The following ANKS1B variants were observed in gnomAD, a reference collection of about 807,000 sequenced individuals.
ANKS1B encodes ankyrin repeat and sterile alpha motif domain containing 1B.
In ANKS1B, 36 loss-of-function variants were observed where a neutral mutation model predicts 148.3. That is an observed-to-expected ratio of 0.24 (90% CI 0.19 to 0.32). The LOEUF is 0.32. ANKS1B is among the 10% of genes least tolerant of loss of function. The pLI, the probability that ANKS1B is intolerant of heterozygous loss-of-function variation, is 1.00. For synonymous variants in ANKS1B, 542 were observed against 560.8 expected (o/e 0.97, Z 0.47); for missense variants, 1,157 against 1,542.6 (o/e 0.75, Z 4.19).
At chr12:99,239,870 G>C (rs1030569140) in intron 14 of ANKS1B, among the ~76,000 whole-genome samples, 2 of 152,158 alleles carry the variant, frequency 1.3e-5, no homozygotes, top group Non-Finnish European at 2.9e-5. Context: ...CAAATGCTGA[G>C]AGATTTTGTC....
chr12:99,777,553 T>G (rs1377227728), intron 6 of ANKS1B, among the ~76,000 whole-genome samples: 1 of 152,028 alleles, frequency 6.6e-6, no homozygotes, highest in Admixed American at 6.5e-5. Flanking sequence ...ATTACACACA[T>G]GCTTCAGTTT....
chr12:98,755,748 A>G (rs1177114120), intron 25 of ANKS1B, among the ~76,000 whole-genome samples: 1 of 152,174 alleles, frequency 6.6e-6, no homozygotes, highest in Non-Finnish European at 1.5e-5. Context: ...AGAGACAGAA[A>G]GTTACAGAAC....
Position 99,814,886 on chromosome 12 carries a change from T to A in ANKS1B, c.216-2575A>T, listed in dbSNP as rs115190733. Among the ~76,000 whole-genome samples the A allele has an allele frequency of 3.2e-3, 483 of 151,836 alleles. 1 individual carries two copies. The highest frequency in any genetic ancestry group is 0.011 in the African/African-American group (463 of 41,498). On this transcript the variant is annotated intron_variant, in intron 2 of 26. Coordinates refer to ENST00000683438, the MANE Select transcript of ANKS1B (RefSeq NM_001352186.2). ...GTGATTGCTTTTTAAATAAAATATT[T>A]CAGCATTTAAAAGGCAAAATAATAG...
chr12:99,372,066 C>T lies in ANKS1B; in HGVS notation c.1756+27565G>A, dbSNP rs972803414. ...ACAATGATGGATACATGTCTACTTA[C>T]ATATTTGTGTAAACCCATAGAATGT... On this transcript the variant is annotated intron_variant, in intron 12 of 26. Transcript: ENST00000683438. Among the ~76,000 whole-genome samples, 4 of 152,158 alleles carry T rather than the reference C, an allele frequency of 2.6e-5. No homozygotes were observed. The South Asian group carries it at 6.2e-4, about 24-fold the overall frequency.
intron 19 of ANKS1B, among the ~76,000 whole-genome samples, chr12:98,811,761 C>T (rs1330575182): frequency 6.6e-6 from 1 of 152,036 alleles, no homozygotes; most frequent in Non-Finnish European, 1.5e-5. Context: ...CCTTGTAAAC[C>T]CCGAACTAGG....
chr12:99,908,316 A>T lies in ANKS1B; in HGVS notation c.134+75788T>A, dbSNP rs374961981. On this transcript the variant is annotated intron_variant, in intron 1 of 26. Transcript: ENST00000683438. ...ATTAAGAGGCCAGGCATGGTGGCTC[A>T]TACCTGTAATCCCAGCAATTTGGGA... Among the ~76,000 whole-genome samples, 13 of 152,316 alleles carry T rather than the reference A, an allele frequency of 8.5e-5. No individual in the cohort carries two copies. The East Asian group carries it at 2.3e-3, about 27-fold the overall frequency.
At chr12:99,624,087 C>T (rs1396160699) in intron 9 of ANKS1B, among the ~76,000 whole-genome samples, 1 of 151,854 alleles carries the variant, frequency 6.6e-6, no homozygotes, top group Admixed American at 6.6e-5. Flanking sequence ...AATACAGAAC[C>T]CTGAAATAAA....
At chr12:99,230,119 ATAT>A (rs1215235550) in intron 14 of ANKS1B, among the ~76,000 whole-genome samples, 1 of 152,094 alleles carries the variant, frequency 6.6e-6, no homozygotes, top group Non-Finnish European at 1.5e-5. Context: ...ATTGAAGTAG[ATAT>A]TATTTATTAT....
intron 15 of ANKS1B, among the ~76,000 whole-genome samples, chr12:99,097,996 T>C (rs2056769118): frequency 1.3e-5 from 2 of 152,228 alleles, no homozygotes; most frequent in African/African-American, 4.8e-5. Flanking sequence ...CAAGGAGACC[T>C]GGGCTTAGTC....
chr12:99,132,493 A>C (rs1408245448), intron 15 of ANKS1B, among the ~76,000 whole-genome samples: 1 of 152,080 alleles, frequency 6.6e-6, no homozygotes, highest in African/African-American at 2.4e-5. Flanking sequence ...AAAAAAAAAA[A>C]AAGTAATGAA....
At chr12:99,354,873 G>C (rs2091825539) in intron 12 of ANKS1B, among the ~76,000 whole-genome samples, 1 of 151,962 alleles carries the variant, frequency 6.6e-6, no homozygotes, top group African/African-American at 2.4e-5. Context: ...ATAGGAAATA[G>C]AAAGTTGGGA....
chr12:99,247,939 A>C (rs2074075016), intron 12 of ANKS1B, among the ~76,000 whole-genome samples: 1 of 152,226 alleles, frequency 6.6e-6, no homozygotes, highest in Non-Finnish European at 1.5e-5. Context: ...TGATGTGCTG[A>C]TTCGTACTTT....
At chr12:98,775,270 C>T (rs529471441) in intron 24 of ANKS1B, among the ~76,000 whole-genome samples, 4 of 152,266 alleles carry the variant, frequency 2.6e-5, no homozygotes, top group African/African-American at 9.6e-5. Flanking sequence ...ATTTTTATTG[C>T]ACTGAACTCT....
intron 12 of ANKS1B, among the ~76,000 whole-genome samples, chr12:99,298,979 G>A (rs2081259539): frequency 6.6e-6 from 1 of 151,822 alleles, no homozygotes; most frequent in African/African-American, 2.4e-5. Flanking sequence ...GAAACACAAG[G>A]CTATAGCTGA....
At chr12:99,577,815 C>T (rs1440029800) in intron 9 of ANKS1B, among the ~76,000 whole-genome samples, 1 of 151,966 alleles carries the variant, frequency 6.6e-6, no homozygotes. Context: ...AGCTGGAAAC[C>T]ATTACTATTA....
At chr12:98,984,771 A>C (rs1488727944) in intron 17 of ANKS1B, among the ~76,000 whole-genome samples, 1 of 152,076 alleles carries the variant, frequency 6.6e-6, no homozygotes, top group Non-Finnish European at 1.5e-5. Context: ...GCACTTTAGG[A>C]GGCTGAGTCA....
Position 99,407,633 on chromosome 12 carries a change from G to C in ANKS1B, c.1576-7822C>G, listed in dbSNP as rs536717855. 4.8e-5 allele frequency among the ~76,000 whole-genome samples: 7 copies of C among 145,758 alleles called. 2 individuals carry two copies. Among genetic ancestry groups the C allele is most frequent in the Non-Finnish European group, 1.1e-4 (7 of 65,952 alleles). On this transcript the variant is annotated intron_variant, in intron 11 of 26. Transcript: ENST00000683438. ...TAAAGATTCTACCAAAAAACTATTA[G>C]AACTGATAAATTCAGTAAAGTTGCA...
chr12:99,464,522 G>C (rs150076974), intron 10 of ANKS1B, among the ~76,000 whole-genome samples: 231 of 152,224 alleles, frequency 1.5e-3, no homozygotes, highest in African/African-American at 5.0e-3. Flanking sequence ...CAAAGCAAAG[G>C]CAAAGAAGTT....
chr12:99,358,930 A>G (rs973170858), intron 12 of ANKS1B, among the ~76,000 whole-genome samples: 1 of 152,142 alleles, frequency 6.6e-6, no homozygotes, highest in African/African-American at 2.4e-5. Context: ...GTATGCTATG[A>G]GCAGCCACTG....
Sources: allele counts gnomAD v4.1 joint callset (sites outside exome capture counted in the v4.1 genomes callset), GRCh38; gene constraint gnomAD v4.1.1; transcripts MANE v1.5; gene names NCBI Gene and HGNC (gene_info 2026-07-23, HGNC 2026-07-21).